Variants in FAT3 observed in about 807,000 individuals in gnomAD.
The protein encoded by FAT3 is protocadherin Fat 3.
FAT3 carries 95 observed loss-of-function variants against 310.2 expected under a neutral mutation model. The ratio of observed to expected loss-of-function variants is 0.31; its 90% CI spans 0.26 to 0.36. The LOEUF is 0.36. FAT3 is among the 10% of genes least tolerant of loss of function. The pLI is 1.00. For synonymous variants in FAT3, 2,314 were observed against 2,192.9 expected, an observed-to-expected ratio of 1.06 and a Z score of -1.54; for missense variants, 5,408 against 5,715.6, an observed-to-expected ratio of 0.95 and a Z score of 1.74.
rs765111766 is a variant in FAT3 at position 92,857,194 on chromosome 11, A to G, written c.11366-20A>G. 35 of 1,613,710 alleles carry G rather than the reference A, an allele frequency of 2.2e-5. No homozygotes were observed. Among genetic ancestry groups the G allele is most frequent in the Non-Finnish European group, 3.0e-5 (35 of 1,179,810 alleles). The stretch of plus-strand genomic sequence containing the variant: ...GAATCCCTTTGTGTACTGATCATGC[A>G]TATTCCACCTTTGTCACAGGAGGAC... On this transcript the variant is annotated intron_variant, in intron 19 of 27. Transcript: ENST00000525166.
chr11:92,801,111 C>T lies in FAT3; in HGVS notation c.8098C>T (p.Pro2700Ser), dbSNP rs761969345. ...CATTCCTGTCTATATCCACGTCTTG[C>T]CCCCTGAAACGTTCTTGCCATCATT... ...SLIPVYIHVL[P>S]PETFLPSFTQ... The change falls in exon 10 of 28, where the codon CCC becomes TCC. Residue 2700 changes from proline (P) to serine (S), a missense_variant. By Grantham distance (74) the Pro-to-Ser change is moderately conservative. Coordinates refer to ENST00000525166, the MANE Select transcript of FAT3 (RefSeq NM_001367949.2). 1.9e-6 allele frequency: 3 copies of T among 1,613,902 alleles called. No individual in the cohort carries two copies. Among genetic ancestry groups the T allele is most frequent in the Middle Eastern group, 1.6e-4 (1 of 6,062 alleles).
intron 2 of FAT3, among the ~76,000 whole-genome samples, chr11:92,413,509 G>A (rs1331113724): frequency 6.6e-6 from 1 of 152,080 alleles, no homozygotes. Context: ...CTACACCTCT[G>A]TGTTCTTATC....
chr11:92,752,721 T>C (rs1334763050), intron 4 of FAT3, among the ~76,000 whole-genome samples: 2 of 152,220 alleles, frequency 1.3e-5, no homozygotes, highest in Non-Finnish European at 1.5e-5. Flanking sequence ...ATCACAGTGC[T>C]GTGTGACATG....
At chr11:92,535,501 G>T (rs1954225186) in intron 3 of FAT3, among the ~76,000 whole-genome samples, 1 of 152,180 alleles carries the variant, frequency 6.6e-6, no homozygotes, top group Non-Finnish European at 1.5e-5. Flanking sequence ...TGAAGGTGAG[G>T]TTCTCCTAAA....
intron 18 of FAT3, among the ~76,000 whole-genome samples, chr11:92,841,923 C>T (rs972281904): frequency 3.3e-5 from 5 of 152,190 alleles, no homozygotes; most frequent in Admixed American, 3.3e-4. Flanking sequence ...CCCAACTCTT[C>T]ACCCCTCCCA....
chr11:92,412,849 C>T (rs1053313675), intron 2 of FAT3, among the ~76,000 whole-genome samples: 3 of 150,140 alleles, frequency 2.0e-5, no homozygotes, highest in African/African-American at 7.3e-5. Context: ...CCCATATACC[C>T]CCCTACACAC....
At chr11:92,705,037 C>T (rs1056430084) in intron 4 of FAT3, among the ~76,000 whole-genome samples, 20 of 152,174 alleles carry the variant, frequency 1.3e-4, no homozygotes, top group Non-Finnish European at 2.9e-5. Flanking sequence ...ACATGGGTTC[C>T]TAACTCCTTC....
chr11:92,538,692 C>T (rs991332084), intron 3 of FAT3, among the ~76,000 whole-genome samples: 1 of 152,086 alleles, frequency 6.6e-6, no homozygotes, highest in Admixed American at 6.6e-5. Flanking sequence ...ATGAATAAAA[C>T]AAGGACTTTA....
chr11:92,604,649 C>T (rs906326898), intron 3 of FAT3, among the ~76,000 whole-genome samples: 1 of 152,218 alleles, frequency 6.6e-6, no homozygotes, highest in Non-Finnish European at 1.5e-5. Flanking sequence ...TGTCTATACT[C>T]ATCCTGTATC....
At chr11:92,861,073 C>G (rs377152164) in intron 21 of FAT3, among the ~76,000 whole-genome samples, 1 of 152,164 alleles carries the variant, frequency 6.6e-6, no homozygotes, top group African/African-American at 2.4e-5. Context: ...TAAGTCCTGC[C>G]TTTATTTTCT....
chr11:92,453,260 T>C (rs1951407057), intron 2 of FAT3, among the ~76,000 whole-genome samples: 1 of 152,214 alleles, frequency 6.6e-6, no homozygotes, highest in African/African-American at 2.4e-5. Context: ...ACTCAGATGC[T>C]GCTTTGCTTC....
intron 1 of FAT3, among the ~76,000 whole-genome samples, chr11:92,331,156 C>T (rs1029409103): frequency 2.6e-5 from 4 of 152,144 alleles, no homozygotes; most frequent in African/African-American, 7.2e-5. Context: ...AGATAAATTT[C>T]AGCCTATCTT....
intron 1 of FAT3, among the ~76,000 whole-genome samples, chr11:92,298,909 C>G (rs1021013639): frequency 3.9e-5 from 6 of 152,102 alleles, no homozygotes; most frequent in African/African-American, 1.4e-4. Context: ...CTTCCACTGC[C>G]TCTGCCTCAT....
chr11:92,454,486 A>G (rs543762599), intron 2 of FAT3, among the ~76,000 whole-genome samples: 27 of 152,278 alleles, frequency 1.8e-4, no homozygotes, highest in African/African-American at 6.3e-4. Context: ...ATATTTCTTT[A>G]ATTTTTCTGT....
chr11:92,568,401 A>T (rs962402619), intron 3 of FAT3, among the ~76,000 whole-genome samples: 1 of 152,108 alleles, frequency 6.6e-6, no homozygotes, highest in Non-Finnish European at 1.5e-5. Context: ...GAAGTAGACT[A>T]GTGAGTACAT....
chr11:92,302,804 T>C (rs1334346441), intron 1 of FAT3, among the ~76,000 whole-genome samples: 2 of 152,168 alleles, frequency 1.3e-5, no homozygotes, highest in African/African-American at 4.8e-5. Flanking sequence ...TTAATAAGAT[T>C]TCAAGGAAGG....
intron 22 of FAT3, among the ~76,000 whole-genome samples, chr11:92,880,116 G>T (rs1350003519): frequency 6.6e-6 from 1 of 151,582 alleles, no homozygotes; most frequent in Non-Finnish European, 1.5e-5. Context: ...ATTTCTGCAT[G>T]ATGGGCTTAT....
chr11:92,724,609 C>T (rs1214599743), intron 4 of FAT3, among the ~76,000 whole-genome samples: 1 of 152,156 alleles, frequency 6.6e-6, no homozygotes, highest in African/African-American at 2.4e-5. Context: ...TTATCCCTTC[C>T]GTTTAAGTAA....
At chr11:92,370,918 G>T (rs1403233664) in intron 2 of FAT3, among the ~76,000 whole-genome samples, 1 of 152,164 alleles carries the variant, frequency 6.6e-6, no homozygotes, top group Non-Finnish European at 1.5e-5. Flanking sequence ...GAACCAGGAT[G>T]TAAGCAATAA....
Sources: allele counts gnomAD v4.1 joint callset (sites outside exome capture counted in the v4.1 genomes callset), GRCh38; gene constraint gnomAD v4.1.1; transcripts MANE v1.5; gene names NCBI Gene and HGNC (gene_info 2026-07-23, HGNC 2026-07-21).